The following CRB1 variants were observed in gnomAD, a reference collection of about 807,000 sequenced individuals.
The protein encoded by CRB1 is crumbs cell polarity complex component 1, also known as protein crumbs homolog 1.
Under a neutral mutation model 120.0 loss-of-function variants are expected in CRB1, and 83 were observed. The ratio of observed to expected loss-of-function variants is 0.69; its 90% CI spans 0.58 to 0.83. The LOEUF (loss-of-function observed/expected upper bound fraction) is 0.83, where lower values mean the gene tolerates loss of function less well. Ranked by LOEUF, CRB1 falls within the 40% of genes least tolerant of loss-of-function variation. CRB1 has a pLI of 0.00. For missense variants in CRB1, 1,699 were observed against 1,687.6 expected (o/e 1.01, Z -0.12); for synonymous variants, 625 against 612.5 (o/e 1.02, Z -0.30).
At chr1:197,390,986 A>C (rs1165778850) in intron 5 of CRB1, among the ~76,000 whole-genome samples, 1 of 152,106 alleles carries the variant, frequency 6.6e-6, no homozygotes, top group African/African-American at 2.4e-5. Flanking sequence ...AGGATTGCTG[A>C]AATACTTTCT....
chr1:197,385,592 A>C (rs1003205295), intron 5 of CRB1, among the ~76,000 whole-genome samples: 9 of 152,212 alleles, frequency 5.9e-5, no homozygotes, highest in Admixed American at 2.0e-4. Context: ...ACATGTTAGA[A>C]TATGTATTAT....
intron 4 of CRB1, among the ~76,000 whole-genome samples, chr1:197,354,347 G>A (rs922153805): frequency 2.0e-5 from 3 of 152,160 alleles, no homozygotes; most frequent in African/African-American, 4.8e-5. Flanking sequence ...AATTGTGTCC[G>A]AAATTGGTGG....
chr1:197,429,292 T>C (rs1036204287), intron 7 of CRB1, among the ~76,000 whole-genome samples, 157 bp from the exon 8 acceptor site: 3 of 152,200 alleles, frequency 2.0e-5, no homozygotes, highest in Non-Finnish European at 2.9e-5. Flanking sequence ...GCAGTAGTCA[T>C]TTTTATTCTA....
chr1:197,348,256 G>A (rs1226363616), intron 4 of CRB1, among the ~76,000 whole-genome samples: 1 of 152,118 alleles, frequency 6.6e-6, no homozygotes, highest in Admixed American at 6.5e-5. Flanking sequence ...CCAAAAGAAC[G>A]CATTGTTGTC....
In CRB1 at chr1:197,473,662, G is replaced by A. The variant is rs1485334072; in HGVS notation, c.4006-4002G>A. On this transcript the variant is annotated intron_variant, in intron 11 of 11. Coordinates refer to ENST00000367400, the MANE Select transcript of CRB1 (RefSeq NM_201253.3). ...TACATTATATTTATAATTAATTTGGGGTATGTCTTTTCAGGAAAAGGTTAT... is the reference window on the plus strand; with the variant it reads ...TACATTATATTTATAATTAATTTGGAGTATGTCTTTTCAGGAAAAGGTTAT... Among the ~76,000 whole-genome samples the A allele has an allele frequency of 2.0e-5, 3 of 151,862 alleles. No homozygotes were observed. The South Asian group carries it at 6.2e-4, about 32-fold the overall frequency.
chr1:197,460,501 C>A (rs1380227028), intron 11 of CRB1, among the ~76,000 whole-genome samples: 1 of 152,112 alleles, frequency 6.6e-6, no homozygotes, highest in Non-Finnish European at 1.5e-5. Flanking sequence ...TACGGTGCCT[C>A]TTTCAGCCAA....
chr1:197,260,699 A>AT, the CRB1 span, among the ~76,000 whole-genome samples: 2,488 of 144,268 alleles, frequency 0.017, 33 homozygotes, highest in South Asian at 0.026. Flanking sequence ...CAACTAACTA[A>AT]TTTTTTTTTT....
chr1:197,281,479 C>CGAATAATTTATGTAAATTT (rs1655516611), intron 1 of CRB1, among the ~76,000 whole-genome samples: 1 of 151,780 alleles, frequency 6.6e-6, no homozygotes, highest in African/African-American at 2.4e-5. Flanking sequence ...TTAGCCTACT[C>CGAATAATTTATGTAAATTT]TTCACGTGTT....
the CRB1 span, among the ~76,000 whole-genome samples, chr1:197,234,098 T>C: frequency 6.6e-6 from 1 of 152,208 alleles, no homozygotes; most frequent in South Asian, 2.1e-4. Context: ...GGCATGTGGA[T>C]GCATCTATGG....
chr1:197,395,967 C>A (rs1662748838), intron 5 of CRB1, among the ~76,000 whole-genome samples: 1 of 152,112 alleles, frequency 6.6e-6, no homozygotes, highest in Non-Finnish European at 1.5e-5. Context: ...CACTTCTATT[C>A]TACATTGTAT....
the CRB1 span, chr1:197,223,057 A>T: frequency 1.3e-6 from 1 of 790,880 alleles, no homozygotes; most frequent in Non-Finnish European, 2.3e-6. Context: ...TCTTTGAGGC[A>T]AAATAAGTGA....
chr1:197,435,152 C>CT lies in CRB1; in HGVS notation c.3290dup (p.Ser1098LysfsTer14). ...CAATATAAAGGGCCTGCAAGGGTGT[C>CT]TAAGTACAATAGAAATCGGAGGCAT... On this transcript the variant is annotated frameshift_variant, in exon 9 of 12. Coordinates refer to ENST00000367400, the MANE Select transcript of CRB1 (RefSeq NM_201253.3). LOFTEE classifies it high-confidence loss of function. 6.2e-7 allele frequency: 1 copy of CT among 1,613,906 alleles called. No individual in the cohort carries two copies. The highest frequency in any genetic ancestry group is 1.3e-5 in the African/African-American group (1 of 75,030).
rs909229587 is a variant in CRB1 at position 197,427,400 on chromosome 1, G to T, written c.2129-54G>T. ...TCGTCTTCCATCCCTTCTGTCTTTT[G>T]AGCCTTAAGATGTTTCTTTTTTTTT... On this transcript the variant is annotated intron_variant, in intron 6 of 11. Coordinates refer to ENST00000367400, the MANE Select transcript of CRB1 (RefSeq NM_201253.3). 3.9e-6 allele frequency: 6 copies of T among 1,543,864 alleles called. No individual in the cohort carries two copies. The Admixed American group carries it at 1.0e-4, about 26-fold the overall frequency.
chr1:197,405,155 C>T (rs572461858), intron 5 of CRB1, among the ~76,000 whole-genome samples: 1 of 152,188 alleles, frequency 6.6e-6, no homozygotes, highest in Non-Finnish European at 1.5e-5. Flanking sequence ...GCTGCCATCT[C>T]GGCTCACTGC....
chr1:197,407,304 C>G (rs1018952775), intron 5 of CRB1, among the ~76,000 whole-genome samples: 7 of 152,104 alleles, frequency 4.6e-5, no homozygotes, highest in South Asian at 4.1e-4. Flanking sequence ...TTAGAGATTT[C>G]GGGTTTTGGC....
rs974761868 is a variant in CRB1 at position 197,460,035 on chromosome 1, A to G, written c.4006-17629A>G. On this transcript the variant is annotated intron_variant, in intron 11 of 11. Transcript: ENST00000367400. ...TTTTTTTTTTTTTTACTTCACTTGA[A>G]TCTTTCTAAAGTTCTTAATTGAGGA... Among the ~76,000 whole-genome samples the G allele has an allele frequency of 4.7e-5, 4 of 84,740 alleles. No individual in the cohort carries two copies. The East Asian group carries it at 1.3e-3, about 28-fold the overall frequency. The allele number at this position is 84,740 out of a possible 152,430, so 55.6% of individuals were successfully genotyped here.
chr1:197,430,799 T>A (rs532442285), intron 8 of CRB1, among the ~76,000 whole-genome samples: 3 of 152,306 alleles, frequency 2.0e-5, no homozygotes, highest in African/African-American at 4.8e-5. Context: ...ATGTGGTTTC[T>A]TGCTCATAAA....
chr1:197,387,994 C>CTA (rs1662307709), intron 5 of CRB1, among the ~76,000 whole-genome samples: 1 of 151,664 alleles, frequency 6.6e-6, no homozygotes, highest in African/African-American at 2.4e-5. Context: ...TCATCTCTCT[C>CTA]TCTCTCTATA....
the CRB1 span, among the ~76,000 whole-genome samples, chr1:197,218,351 G>A: frequency 4.6e-5 from 7 of 152,276 alleles, no homozygotes; most frequent in East Asian, 1.9e-4. Flanking sequence ...GAAGGGTACC[G>A]GGTGATTGCT....
Sources: allele counts gnomAD v4.1 joint callset (sites outside exome capture counted in the v4.1 genomes callset), GRCh38; gene constraint gnomAD v4.1.1; transcripts MANE v1.5; gene names NCBI Gene and HGNC (gene_info 2026-07-23, HGNC 2026-07-21).